IGSF3: variants seen among roughly 807,000 people sequenced by gnomAD.
IGSF3 encodes the protein glu-Trp-Ile EWI motif-containing protein 3.
A neutral mutation model predicts 114.4 loss-of-function variants in IGSF3; 23 were observed. The ratio of observed to expected loss-of-function variants is 0.20; its 90% CI spans 0.14 to 0.28. The LOEUF (loss-of-function observed/expected upper bound fraction) is 0.28. Ranked by LOEUF, IGSF3 falls within the 10% of genes least tolerant of loss-of-function variation. The probability of loss-of-function intolerance (pLI) is 1.00; values close to 1 mark genes in which losing one functional copy is unlikely to be tolerated. For synonymous variants in IGSF3, 571 were observed against 645.2 expected (o/e 0.88, Z 1.74); for missense variants, 1,172 against 1,591.5 (o/e 0.74, Z 4.48).
rs1660205120 is a variant in IGSF3, at chr1:116,593,390, G to A, written c.2030-4286C>T. 6.6e-6 allele frequency among the ~76,000 whole-genome samples: 1 copy of A among 152,224 alleles called. No individual in the cohort carries two copies. The highest frequency in any genetic ancestry group is 1.5e-5 in the Non-Finnish European group (1 of 68,036). On this transcript the variant is annotated intron_variant, in intron 7 of 10. Coordinates refer to ENST00000369486, the MANE Select transcript of IGSF3 (RefSeq NM_001007237.3). This position sits in a 1 kb window ranked among gnomAD's most constrained non-coding sequence, Gnocchi z 4.5. ...CACGTGCAAAGAGATGGGCACTGAG[G>A]GAGGAAGACACTGCTCTTTATTAAA...
intron 2 of IGSF3, among the ~76,000 whole-genome samples, chr1:116,621,604 G>A (rs1661421650): frequency 6.6e-6 from 1 of 151,828 alleles, no homozygotes; most frequent in African/African-American, 2.4e-5. Context: ...TAAGTTTGGG[G>A]CTTTTTTTTT....
At chr1:116,623,651 G>A (rs1377483909) in intron 2 of IGSF3, among the ~76,000 whole-genome samples, 2 of 151,858 alleles carry the variant, frequency 1.3e-5, no homozygotes, top group Non-Finnish European at 2.9e-5. Context: ...CAGCCCATTC[G>A]GTCAATGTCA....
rs1358682172 is a variant in IGSF3 at position 116,600,250 on chromosome 1, C to A, written c.1720G>T (p.Ala574Ser). The change falls in exon 7 of 11, where the codon GCC becomes TCC. Residue 574 changes from alanine (A) to serine (S), a missense_variant. Transcript: ENST00000369486. The surrounding 1 kb of genome is among the most constrained non-coding windows in gnomAD (Gnocchi z 5.5). ...CATGTCACCGACACGGGGACCCAGG[C>A]AGGGTAGTGGGGTTTGATGATACAC... ...LQCIIKPHYP[A>S]WVPVSVTWRF... The A allele has an allele frequency of 4.3e-6, 7 of 1,614,066 alleles. No individual in the cohort carries two copies. The African/African-American group carries it at 9.3e-5, about 22-fold the overall frequency.
rs1648646962 is a variant in IGSF3 at position 116,651,886 on chromosome 1, C to G, written c.43+14398G>C. Among the ~76,000 whole-genome samples, 1 of 152,196 alleles carries G rather than the reference C, an allele frequency of 6.6e-6. No homozygotes were observed. The highest frequency in any genetic ancestry group is 2.4e-5 in the African/African-American group (1 of 41,448). ...ATGCATTTATTTGTTTACTGCCTGA[C>G]TTCTTTGCTAGCCTATAAACTACAC... On this transcript the variant is annotated intron_variant, in intron 2 of 10. Coordinates refer to ENST00000369486, the MANE Select transcript of IGSF3 (RefSeq NM_001007237.3). The surrounding 1 kb of genome is among the most constrained non-coding windows in gnomAD (Gnocchi z 4.4).
At chr1:116,591,161 TA>T (rs1292088866) in intron 7 of IGSF3, among the ~76,000 whole-genome samples, 1 of 152,214 alleles carries the variant, frequency 6.6e-6, no homozygotes, top group African/African-American at 2.4e-5. Flanking sequence ...GGTTTACCAT[TA>T]AGCTCCCAAG....
rs571268680 is a variant in IGSF3, at chr1:116,585,233, C to T, written c.2441-181G>A. On this transcript the variant is annotated intron_variant, in intron 8 of 10. Transcript: ENST00000369486. The surrounding 1 kb of genome is among the most constrained non-coding windows in gnomAD (Gnocchi z 4.9). ...CATTCTGAGTTCCTTGATCGTGTGT[C>T]GGAATGCCTGGGTTTCAAGGAGCTC... 2.0e-5 allele frequency among the ~76,000 whole-genome samples: 3 copies of T among 152,248 alleles called. No homozygotes were observed. Among genetic ancestry groups the T allele is most frequent in the South Asian group, 2.1e-4 (1 of 4,830 alleles).
At chr1:116,599,655 G>A (rs1162268571) in intron 7 of IGSF3, among the ~76,000 whole-genome samples, 1 of 152,130 alleles carries the variant, frequency 6.6e-6, no homozygotes, top group African/African-American at 2.4e-5. Context: ...TACTTAGGGG[G>A]AAGTGTCCCA....
chr1:116,622,982 T>C (rs1295294985), intron 2 of IGSF3, among the ~76,000 whole-genome samples: 2 of 152,234 alleles, frequency 1.3e-5, no homozygotes, highest in African/African-American at 4.8e-5. Context: ...TGCCACAGCA[T>C]GCTGAATTGG....
Position 116,576,820 on chromosome 1 carries a change from G to A in IGSF3, c.*492C>T, listed in dbSNP as rs1659362078. 1 of 154,002 alleles carries A rather than the reference G, an allele frequency of 6.5e-6. No individual in the cohort carries two copies. Among genetic ancestry groups the A allele is most frequent in the Admixed American group, 6.5e-5 (1 of 15,498 alleles). The allele number at this position is 154,002 out of a possible 1,614,324, so 9.5% of individuals were successfully genotyped here. A position where few individuals can be genotyped will look rare whatever the true frequency, so the allele number is the denominator to read the frequency against. ...TTTGGGTATATTTTGATCCATGGGT[G>A]GCATTTTCAAATGTGCAAAAACAAA... On this transcript the variant is annotated 3_prime_UTR_variant, in exon 11 of 11. Coordinates refer to ENST00000369486, the MANE Select transcript of IGSF3 (RefSeq NM_001007237.3). The surrounding 1 kb of genome is among the most constrained non-coding windows in gnomAD (Gnocchi z 4.6).
rs1347803390 is a variant in IGSF3 at position 116,647,744 on chromosome 1, G to C, written c.43+18540C>G. Among the ~76,000 whole-genome samples, 1 of 152,214 alleles carries C rather than the reference G, an allele frequency of 6.6e-6. No homozygotes were observed. Among genetic ancestry groups the C allele is most frequent in the Admixed American group, 6.5e-5 (1 of 15,282 alleles). ...CGAAAGGCCGACTGACAGACCACTC[G>C]GGTAGCACTTTTTCTGGGATTAAGC... On this transcript the variant is annotated intron_variant, in intron 2 of 10. Transcript: ENST00000369486. The surrounding 1 kb of genome is among the most constrained non-coding windows in gnomAD (Gnocchi z 4.6).
intron 2 of IGSF3, among the ~76,000 whole-genome samples, chr1:116,641,276 C>T (rs1038934314): frequency 1.3e-5 from 2 of 151,836 alleles, no homozygotes; most frequent in Non-Finnish European, 2.9e-5. Context: ...GGCAGAGGAT[C>T]ACTTGAGGTC....
rs1243791024 is a variant in IGSF3 at position 116,625,699 on chromosome 1, T to G, written c.44-9242A>C. Among the ~76,000 whole-genome samples the G allele has an allele frequency of 1.3e-5, 2 of 152,216 alleles. No individual in the cohort carries two copies. Among genetic ancestry groups the G allele is most frequent in the Admixed American group, 6.5e-5 (1 of 15,292 alleles). ...CGACAAGATGAGGGCCTGGCCTGGT[T>G]TTAAATCCAAGGACAAAAATATCAT... On this transcript the variant is annotated intron_variant, in intron 2 of 10. Transcript: ENST00000369486. The surrounding 1 kb of genome is among the most constrained non-coding windows in gnomAD (Gnocchi z 4.7).
At chr1:116,578,720 AT>A (rs1215787205) in intron 10 of IGSF3, among the ~76,000 whole-genome samples, 3 of 152,206 alleles carry the variant, frequency 2.0e-5, no homozygotes, top group Non-Finnish European at 4.4e-5. Context: ...TGTAGTCCAC[AT>A]TTTGATGGCA....
chr1:116,609,530 T>C (rs904554356), intron 4 of IGSF3, among the ~76,000 whole-genome samples: 3 of 152,112 alleles, frequency 2.0e-5, no homozygotes, highest in Admixed American at 2.0e-4. Flanking sequence ...TCGTATCTCA[T>C]AGGCACCCAC....
In IGSF3 at chr1:116,601,505, T is replaced by C. The variant is rs370161102; in HGVS notation, c.1625-1160A>G. Among the ~76,000 whole-genome samples, 14 of 152,282 alleles carry C rather than the reference T, an allele frequency of 9.2e-5. No homozygotes were observed. In the East Asian group the frequency reaches 1.9e-3, roughly 21 times the overall value. On this transcript the variant is annotated intron_variant, in intron 6 of 10. Coordinates refer to ENST00000369486, the MANE Select transcript of IGSF3 (RefSeq NM_001007237.3). ...TAAATAAATCAGTGTTTATAAATATTACAAATAGTACCTGGCACATGAGAT... is the reference window on the plus strand; with the variant it reads ...TAAATAAATCAGTGTTTATAAATATCACAAATAGTACCTGGCACATGAGAT...
chr1:116,631,437 C>A (rs966402369), intron 2 of IGSF3, among the ~76,000 whole-genome samples: 7 of 151,634 alleles, frequency 4.6e-5, no homozygotes, highest in African/African-American at 1.2e-4. Context: ...ATTGTTCTGG[C>A]AGAAGTGATG....
intron 2 of IGSF3, among the ~76,000 whole-genome samples, chr1:116,621,680 T>A (rs1661425560): frequency 1.3e-5 from 2 of 152,284 alleles, no homozygotes; most frequent in South Asian, 2.1e-4. Context: ...TTGTGTTACA[T>A]ACACATGAGT....
rs974491034 is a variant in IGSF3 at position 116,575,895 on chromosome 1, A to C, written c.*1417T>G. ...AACAATGAACAACCAAACAACCTAG[A>C]ACCACAAGAGAGATCAAGAAAGGGA... is the stretch of plus-strand genomic sequence containing the variant. On this transcript the variant is annotated 3_prime_UTR_variant, in exon 11 of 11. Coordinates refer to ENST00000369486, the MANE Select transcript of IGSF3 (RefSeq NM_001007237.3). The surrounding 1 kb of genome is among the most constrained non-coding windows in gnomAD (Gnocchi z 5.6). 3.3e-5 allele frequency: 5 copies of C among 152,326 alleles called. No homozygotes were observed. Among genetic ancestry groups the C allele is most frequent in the African/African-American group, 1.2e-4 (5 of 41,544 alleles). 9.4% of individuals were successfully genotyped at this position (152,326 alleles called of 1,614,324 possible).
intron 2 of IGSF3, among the ~76,000 whole-genome samples, chr1:116,658,354 T>C (rs570079097): frequency 6.6e-6 from 1 of 152,278 alleles, no homozygotes; most frequent in South Asian, 2.1e-4. Context: ...TATGTTTTGA[T>C]GGATATACAG....
Sources: allele counts gnomAD v4.1 joint callset (sites outside exome capture counted in the v4.1 genomes callset), GRCh38; gene constraint gnomAD v4.1.1; non-coding constraint Gnocchi (gnomAD v3.1); transcripts MANE v1.5; gene names NCBI Gene and HGNC (gene_info 2026-07-23, HGNC 2026-07-21).